The following P2RY12 variants were observed in gnomAD, a reference collection of about 807,000 sequenced individuals.
P2RY12 encodes P2Y purinoceptor 12.
A neutral mutation model predicts 4.5 loss-of-function variants in P2RY12; 3 were observed. The observed-to-expected ratio is 0.67, with a 90% CI of 0.31 to 1.74. The LOEUF (loss-of-function observed/expected upper bound fraction) is 1.74. Among genes scored for constraint, P2RY12 ranks in the 40% most tolerant of loss-of-function variants. The pLI, the probability that P2RY12 is intolerant of heterozygous loss-of-function variation, is 0.09. For synonymous variants in P2RY12, 148 were observed against 154.1 expected, an observed-to-expected ratio of 0.96 and a Z score of 0.29; for missense variants, 356 against 407.8, an observed-to-expected ratio of 0.87 and a Z score of 1.09.
At chr3:151,378,338 T>C (rs185244355) in intron 1 of P2RY12, among the ~76,000 whole-genome samples, 9 of 152,310 alleles carry the variant, frequency 5.9e-5, no homozygotes, top group Non-Finnish European at 1.2e-4. Flanking sequence ...TCCTAAAAAA[T>C]TTCAGGTTAT....
At chr3:151,356,128 A>G (rs1378564788) in intron 1 of P2RY12, 1 of 1,359,312 alleles carries the variant, frequency 7.4e-7, no homozygotes, top group Non-Finnish European at 1.0e-6. Flanking sequence ...AGCTGGGCAC[A>G]GTGGCTTGTG....
At chr3:151,360,403 C>G in intron 1 of P2RY12, 1 of 1,417,044 alleles carries the variant, frequency 7.1e-7, no homozygotes, top group Non-Finnish European at 9.7e-7. Flanking sequence ...TATTTTCATT[C>G]TAAAAGAGTC....
intron 1 of P2RY12, among the ~76,000 whole-genome samples, chr3:151,368,595 A>G (rs1755587498): frequency 2.9e-4 from 15 of 51,390 alleles, no homozygotes; most frequent in African/African-American, 1.5e-3. Flanking sequence ...GATTTATTTT[A>G]TTTTATTTTA....
At chr3:151,366,665 A>G (rs1577456718) in intron 1 of P2RY12, among the ~76,000 whole-genome samples, 2 of 152,182 alleles carry the variant, frequency 1.3e-5, no homozygotes, top group African/African-American at 4.8e-5. Flanking sequence ...AGTTCTTTAT[A>G]CATCTTTACA....
chr3:151,340,167 T>C (rs1250917575), intron 2 of P2RY12, among the ~76,000 whole-genome samples: 2 of 152,136 alleles, frequency 1.3e-5, no homozygotes, highest in Admixed American at 6.6e-5. Flanking sequence ...CAATACAAGA[T>C]CACTGATTTT....
intron 1 of P2RY12, chr3:151,384,053 T>C: frequency 6.3e-7 from 1 of 1,597,892 alleles, no homozygotes; most frequent in South Asian, 1.1e-5. Context: ...AGTTTCACTT[T>C]AAGATGAAAA....
chr3:151,378,247 T>G, intron 1 of P2RY12: 1 of 1,400,270 alleles, frequency 7.1e-7, no homozygotes, highest in East Asian at 2.5e-5. Flanking sequence ...TGTAAACCTG[T>G]GTGGTCACTG....
In P2RY12 at chr3:151,371,988, T is replaced by TA. The variant is rs966891584; in HGVS notation, c.-180+12703dup. On this transcript the variant is annotated intron_variant, in intron 1 of 2. Transcript: ENST00000302632. Reference sequence around the variant, plus strand: ...AATTTGTATGTTACAGAGAGGAAGGTAAAAAAACAGGGGTTATTCAATGAA... The same window carrying TA: ...AATTTGTATGTTACAGAGAGGAAGGTAAAAAAAACAGGGGTTATTCAATGAA... Among the ~76,000 whole-genome samples, 36 of 152,234 alleles carry TA rather than the reference T, an allele frequency of 2.4e-4. No homozygotes were observed. The East Asian group carries it at 5.6e-3, about 24-fold the overall frequency.
chr3:151,380,182 A>C, intron 1 of P2RY12: 1 of 1,610,614 alleles, frequency 6.2e-7, no homozygotes, highest in Non-Finnish European at 8.5e-7. Context: ...AAGATGAACA[A>C]AGGGAAGGCC....
intron 1 of P2RY12, among the ~76,000 whole-genome samples, chr3:151,363,487 T>C (rs1360112639): frequency 1.3e-5 from 2 of 152,216 alleles, no homozygotes; most frequent in Non-Finnish European, 2.9e-5. Context: ...ATTGAGCTAC[T>C]GCTGTGTGCC....
At chr3:151,350,658 C>G (rs1180712746) in intron 1 of P2RY12, among the ~76,000 whole-genome samples, 1 of 152,114 alleles carries the variant, frequency 6.6e-6, no homozygotes, top group East Asian at 1.9e-4. Context: ...AAAATCATGA[C>G]AGCATATTTG....
At chr3:151,383,261 T>C (rs1370767114) in intron 1 of P2RY12, among the ~76,000 whole-genome samples, 1 of 152,216 alleles carries the variant, frequency 6.6e-6, no homozygotes, top group Non-Finnish European at 1.5e-5. Context: ...ATGGCCTGCC[T>C]GATACTTTTG....
chr3:151,369,649 G>C, intron 1 of P2RY12: 1 of 703,982 alleles, frequency 1.4e-6, no homozygotes, highest in Non-Finnish European at 2.3e-6. Flanking sequence ...TTGGAAACAT[G>C]ATACTGTTTG....
chr3:151,339,796 CT>C (rs5853517), intron 2 of P2RY12, among the ~76,000 whole-genome samples: 128,991 of 152,012 alleles, frequency 0.85, 54,763 homozygotes, highest in Middle Eastern at 0.95. Flanking sequence ...ATAATGAAAA[CT>C]TAACAAGTGA....
rs372432734 is a variant in P2RY12, at chr3:151,338,093, A to G, written c.753T>C (p.Pro251=). The G allele has an allele frequency of 8.7e-6, 14 of 1,613,976 alleles. No individual in the cohort carries two copies. Among genetic ancestry groups the G allele is most frequent in the South Asian group, 3.3e-5 (3 of 91,066 alleles). Residue 251 remains proline, a synonymous_variant, in exon 3 of 3, where the codon CCT becomes CCC. Transcript: ENST00000302632. ...TGTAAGGAATTCGGGCAAAATGGAAAGGAACAAAACAAATAAAGAATACAG... is the reference window on the plus strand; with the variant it reads ...TGTAAGGAATTCGGGCAAAATGGAAGGGAACAAAACAAATAAAGAATACAG... The part of the protein sequence containing the change: ...IIAVFFICFV[P]FHFARIPYTL...
At chr3:151,369,554 G>C in intron 1 of P2RY12, 1 of 1,574,280 alleles carries the variant, frequency 6.4e-7, no homozygotes, top group Non-Finnish European at 8.7e-7. Context: ...TGCTTGGTAA[G>C]ATTATTCTGA....
chr3:151,365,523 A>G (rs1755167060), intron 1 of P2RY12, among the ~76,000 whole-genome samples: 1 of 152,212 alleles, frequency 6.6e-6, no homozygotes, highest in South Asian at 2.1e-4. Flanking sequence ...ATTTGGGTCC[A>G]CCTAAATTAC....
At position 151,374,542 on chromosome 3, in the gene P2RY12, T is replaced by C. The variant is rs905651826; in HGVS notation, c.-180+10150A>G. 2.0e-5 allele frequency among the ~76,000 whole-genome samples: 3 copies of C among 146,692 alleles called. No homozygotes were observed. The East Asian group carries it at 5.8e-4, about 29-fold the overall frequency. ...CAGCCCTGGTAAGAGAGCAAGACTCTGTCTCAAAGAAAGAAAGAAAGAAAG... is the reference window on the plus strand; with the variant it reads ...CAGCCCTGGTAAGAGAGCAAGACTCCGTCTCAAAGAAAGAAAGAAAGAAAG... On this transcript the variant is annotated intron_variant, in intron 1 of 2. Coordinates refer to ENST00000302632, the MANE Select transcript of P2RY12 (RefSeq NM_022788.5).
intron 1 of P2RY12, among the ~76,000 whole-genome samples, chr3:151,361,864 T>G (rs1221674837): frequency 2.0e-5 from 3 of 152,148 alleles, no homozygotes; most frequent in African/African-American, 7.2e-5. Flanking sequence ...CGTTGTATCT[T>G]AGCACTTGCT....
Sources: gnomAD v4.1 joint callset for allele counts (sites outside exome capture counted in the v4.1 genomes callset) on GRCh38, gnomAD v4.1.1 for gene constraint, MANE v1.5 for transcripts, NCBI Gene and HGNC (gene_info 2026-07-23, HGNC 2026-07-21) for gene names.